The following MMAA variants were observed in gnomAD, a reference collection of about 807,000 sequenced individuals.
MMAA encodes the protein metabolism of cobalamin associated A.
MMAA carries 41 observed loss-of-function variants against 45.0 expected under a neutral mutation model. The observed-to-expected ratio is 0.91, with a 90% confidence interval of 0.71 to 1.18. The LOEUF is 1.18. Among genes scored for constraint, MMAA ranks in the 50% most tolerant of loss-of-function variants. The pLI is 0.00. For synonymous variants in MMAA, 154 were observed against 178.2 expected (o/e 0.86, Z 1.08); for missense variants, 460 against 495.7 (o/e 0.93, Z 0.68).
chr4:145,625,100 G>A (rs1734174658), intron 1 of MMAA: 1 of 1,021,818 alleles, frequency 9.8e-7, no homozygotes, highest in Admixed American at 1.8e-5. Flanking sequence ...TTCCTGGAGA[G>A]TCACTAGCCA....
At chr4:145,629,441 G>A (rs759682046) in intron 1 of MMAA, among the ~76,000 whole-genome samples, 10 of 152,094 alleles carry the variant, frequency 6.6e-5, no homozygotes, top group Non-Finnish European at 1.2e-4. Flanking sequence ...AATTCAGTTT[G>A]CTAGTATTTT....
intron 4 of MMAA, among the ~76,000 whole-genome samples, chr4:145,647,566 T>G (rs577026467): frequency 1.0e-3 from 153 of 152,320 alleles, no homozygotes; most frequent in African/African-American, 3.6e-3. Context: ...ACAGTTCTGG[T>G]GACTGGAAGT....
intron 3 of MMAA, 43 bp downstream of exon 3, chr4:145,642,528 C>T: frequency 6.2e-7 from 1 of 1,612,702 alleles, no homozygotes; most frequent in East Asian, 2.2e-5. Context: ...GGTCTGGGGG[C>T]TTTCTGTTAC....
rs887258086 is a variant in MMAA, at chr4:145,655,765, G to T, written c.*331G>T. ...TCTTGCACTTTAAAATGCTTATTTT[G>T]ATTCCATATTATCTGAATTTCCAGA... is the stretch of plus-strand genomic sequence containing the variant. On this transcript the variant is annotated 3_prime_UTR_variant, in exon 7 of 7. Coordinates refer to ENST00000649156, the MANE Select transcript of MMAA (RefSeq NM_172250.3). The T allele has an allele frequency of 1.0e-4, 19 of 183,978 alleles. No homozygotes were observed. Among genetic ancestry groups the T allele is most frequent in the Admixed American group, 9.3e-4 (16 of 17,292 alleles). The allele number at this position is 183,978 out of a possible 1,614,324, so 11.4% of individuals were successfully genotyped here. A position where few individuals can be genotyped will look rare whatever the true frequency, so the allele number is the denominator to read the frequency against.
chr4:145,633,130 A>G (rs1372459203), intron 1 of MMAA, among the ~76,000 whole-genome samples: 2 of 146,448 alleles, frequency 1.4e-5, no homozygotes, highest in African/African-American at 5.1e-5. Context: ...GTTGCATTTA[A>G]TCTCCTTGTT....
intron 1 of MMAA, among the ~76,000 whole-genome samples, chr4:145,634,625 CAGA>C (rs778154509): frequency 3.3e-5 from 5 of 151,970 alleles, no homozygotes; most frequent in East Asian, 3.9e-4. Context: ...TTTTCTCAAG[CAGA>C]AGGAGTCTCG....
rs1417362612 is a variant in MMAA, at chr4:145,639,324, A to G, written c.185A>G (p.Lys62Arg). 2.5e-6 allele frequency: 4 copies of G among 1,614,076 alleles called. No homozygotes were observed. In the African/African-American group the frequency reaches 4.0e-5, roughly 16 times the overall value. The change falls in exon 2 of 7, where the codon AAG becomes AGG. Residue 62 changes from lysine to arginine, a missense_variant. Transcript: ENST00000649156. ...TGGATGCTGCTGTCAGATGGCTTAA[A>G]GAGAAAATTATGTGTACAAACAACC... ...TKWMLLSDGL[K>R]RKLCVQTTLK...
At chr4:145,630,610 C>T (rs1284926000) in intron 1 of MMAA, among the ~76,000 whole-genome samples, 2 of 152,144 alleles carry the variant, frequency 1.3e-5, no homozygotes, top group Non-Finnish European at 2.9e-5. Flanking sequence ...TGCCTGTAAT[C>T]CCAGCTACTT....
At chr4:145,647,837 G>A (rs948770841) in intron 4 of MMAA, among the ~76,000 whole-genome samples, 3 of 151,704 alleles carry the variant, frequency 2.0e-5, no homozygotes, top group South Asian at 4.2e-4. Flanking sequence ...TTTAACATAG[G>A]AATGTGGTTT....
At chr4:145,628,487 T>G (rs754869967) in intron 1 of MMAA, among the ~76,000 whole-genome samples, 8 of 152,206 alleles carry the variant, frequency 5.3e-5, no homozygotes, top group Non-Finnish European at 1.2e-4. Context: ...GCCCTTTTAC[T>G]TCATCTTCAA....
chr4:145,638,079 G>T (rs1727667651), intron 1 of MMAA, among the ~76,000 whole-genome samples: 1 of 152,134 alleles, frequency 6.6e-6, no homozygotes, highest in Non-Finnish European at 1.5e-5. Flanking sequence ...TCATAAAAAA[G>T]ATCCTTATGG....
chr4:145,624,738 T>A, intron 1 of MMAA: 1 of 1,590,676 alleles, frequency 6.3e-7, no homozygotes, highest in South Asian at 1.1e-5. Context: ...AAGCCACTTA[T>A]ACAGAGCCTT....
At chr4:145,624,783 A>G (rs1326097075) in intron 1 of MMAA, 1 of 1,604,736 alleles carries the variant, frequency 6.2e-7, no homozygotes, top group African/African-American at 1.3e-5. Flanking sequence ...GCACTCTGCA[A>G]AGCTTATGCA....
rs143211378 is a variant in MMAA, at chr4:145,639,196, A to G, written c.57A>G (p.Ala19=). The change falls in exon 2 of 7, where the codon GCA becomes GCG. Residue 19 remains alanine (A), a synonymous_variant. Coordinates refer to ENST00000649156, the MANE Select transcript of MMAA (RefSeq NM_172250.3). ...ATTTCCTAAAAGGCCTTTTAAGAGC[A>G]CCTTTCCGATGTTACCACTTCATCT... is the stretch of plus-strand genomic sequence containing the variant. ...HQHFLKGLLR[A]PFRCYHFIFH... 8.7e-5 allele frequency: 141 copies of G among 1,614,142 alleles called. No individual in the cohort carries two copies. In the African/African-American group the frequency reaches 1.6e-3, roughly 18 times the overall value.
Position 145,656,254 on chromosome 4 carries a change from CTT to C in MMAA, c.*825_*826del, listed in dbSNP as rs967435403. 6.6e-6 allele frequency: 1 copy of C among 152,106 alleles called. No homozygotes were observed. Among genetic ancestry groups the C allele is most frequent in the Admixed American group, 6.5e-5 (1 of 15,274 alleles). The allele number at this position is 152,106 out of a possible 1,614,324, so 9.4% of individuals were successfully genotyped here. On this transcript the variant is annotated 3_prime_UTR_variant, in exon 7 of 7. Transcript: ENST00000649156. The stretch of plus-strand genomic sequence containing the variant: ...CACTTCATTTTAGTATTTTAAAAAT[CTT>C]TTTTCTTGATGGTGAACAAGTTTTG...
At chr4:145,642,538 C>A (rs1194109882) in intron 3 of MMAA, 53 bp downstream of exon 3, 6 of 1,611,634 alleles carry the variant, frequency 3.7e-6, no homozygotes, top group Non-Finnish European at 5.1e-6. Context: ...CTTTCTGTTA[C>A]AATTTAGTAG....
chr4:145,624,495 TA>T, intron 1 of MMAA: 1 of 978,278 alleles, frequency 1.0e-6, no homozygotes, highest in Non-Finnish European at 1.6e-6. Flanking sequence ...TCCTTCTTTG[TA>T]TGGGGGCCTG....
chr4:145,643,144 A>C (rs1039649769), intron 3 of MMAA, among the ~76,000 whole-genome samples: 1 of 152,246 alleles, frequency 6.6e-6, no homozygotes, highest in African/African-American at 2.4e-5. Flanking sequence ...CCAAAGGATC[A>C]TTTAAAGAAA....
chr4:145,626,479 C>T (rs1277769239), intron 1 of MMAA, among the ~76,000 whole-genome samples: 2 of 152,122 alleles, frequency 1.3e-5, no homozygotes, highest in Non-Finnish European at 2.9e-5. Flanking sequence ...CCTAACACAT[C>T]GAGATCTACT....
Sources: gnomAD v4.1 joint callset for allele counts (sites outside exome capture counted in the v4.1 genomes callset) on GRCh38, gnomAD v4.1.1 for gene constraint, MANE v1.5 for transcripts, NCBI Gene and HGNC (gene_info 2026-07-23, HGNC 2026-07-21) for gene names.